Variants in SUPT3H observed in about 807,000 individuals in gnomAD.
The protein encoded by SUPT3H is transcription initiation protein SPT3 homolog.
SUPT3H carries 44 observed loss-of-function variants against 44.3 expected under a neutral mutation model. The observed-to-expected ratio is 0.99, with a 90% confidence interval of 0.78 to 1.28. The LOEUF (loss-of-function observed/expected upper bound fraction) is 1.28, where lower values mean the gene tolerates loss of function less well. Ranked by LOEUF, SUPT3H falls within the 50% of genes most tolerant of loss-of-function variation. The pLI is 0.00. For missense variants in SUPT3H, 380 were observed against 387.1 expected, an observed-to-expected ratio of 0.98 and a Z score of 0.15; for synonymous variants, 124 against 125.6, an observed-to-expected ratio of 0.99 and a Z score of 0.09.
At chr6:45,291,774 A>G (rs915686719) in intron 2 of SUPT3H, among the ~76,000 whole-genome samples, 2 of 152,224 alleles carry the variant, frequency 1.3e-5, no homozygotes, top group Non-Finnish European at 2.9e-5. Context: ...CAAAGGCTCC[A>G]AACAGTCTGG....
chr6:44,922,339 T>C (rs1768858155), intron 10 of SUPT3H, among the ~76,000 whole-genome samples: 1 of 152,256 alleles, frequency 6.6e-6, no homozygotes, highest in South Asian at 2.1e-4. Flanking sequence ...GTTTCATTTT[T>C]GAAAGGTGCA....
In SUPT3H at chr6:45,220,088, T is replaced by A. The variant is rs186696328; in HGVS notation, c.102-114082A>T. ...AAAAGAATTACACCCATTTTCACAA[T>A]CTATTAAAAAAAAGATGAGAAAATG... is the stretch of plus-strand genomic sequence containing the variant. On this transcript the variant is annotated intron_variant, in intron 2 of 10. Coordinates refer to ENST00000371459, the MANE Select transcript of SUPT3H (RefSeq NM_003599.4). Among the ~76,000 whole-genome samples, 78 of 99,858 alleles carry A rather than the reference T, an allele frequency of 7.8e-4. No individual in the cohort carries two copies. The East Asian group carries it at 0.02, about 25-fold the overall frequency. The allele number at this position is 99,858 out of a possible 152,430, so 65.5% of individuals were successfully genotyped here.
intron 2 of SUPT3H, among the ~76,000 whole-genome samples, chr6:45,162,032 TAAAAA>T (rs11380316): frequency 9.1e-4 from 137 of 150,654 alleles, no homozygotes; most frequent in African/African-American, 3.3e-3. Context: ...AGAACATGTT[TAAAAA>T]AAAACAAAAA....
chr6:45,302,607 G>A (rs1782334838), intron 2 of SUPT3H, among the ~76,000 whole-genome samples: 1 of 145,994 alleles, frequency 6.8e-6, no homozygotes, highest in Non-Finnish European at 1.5e-5. Flanking sequence ...ATTTGGGCTG[G>A]TTCCATATTT....
intron 10 of SUPT3H, among the ~76,000 whole-genome samples, chr6:44,912,020 G>A (rs1767125301): frequency 6.6e-6 from 1 of 152,116 alleles, no homozygotes; most frequent in African/African-American, 2.4e-5. Flanking sequence ...GTCTGTCTAC[G>A]AAGTCATGGC....
chr6:44,987,051 G>A (rs1426321718), intron 6 of SUPT3H, among the ~76,000 whole-genome samples: 6 of 152,022 alleles, frequency 3.9e-5, no homozygotes, highest in Admixed American at 3.3e-4. Context: ...CAACATCAGG[G>A]TGCCAGCACA....
intron 2 of SUPT3H, among the ~76,000 whole-genome samples, chr6:45,150,066 G>A (rs987043284): frequency 2.6e-5 from 4 of 151,930 alleles, no homozygotes; most frequent in Non-Finnish European, 4.4e-5. Context: ...CCTCAGAATG[G>A]TTACAAATAT....
chr6:45,201,922 T>C (rs891037810), intron 2 of SUPT3H, among the ~76,000 whole-genome samples: 2 of 151,954 alleles, frequency 1.3e-5, no homozygotes, highest in African/African-American at 4.8e-5. Context: ...GTTAAGCCCA[T>C]AAAATGTACA....
intron 2 of SUPT3H, among the ~76,000 whole-genome samples, chr6:45,236,579 T>A (rs558065950): frequency 6.6e-6 from 1 of 152,080 alleles, no homozygotes; most frequent in South Asian, 2.1e-4. Context: ...GGCCTAACCC[T>A]CCAGATCTTT....
intron 2 of SUPT3H, among the ~76,000 whole-genome samples, chr6:45,157,342 G>A (rs575094350): frequency 6.6e-6 from 1 of 151,824 alleles, no homozygotes; most frequent in South Asian, 2.1e-4. Context: ...CATTTATAAT[G>A]TATCATCAGA....
At chr6:44,882,880 G>T (rs890139688) in intron 10 of SUPT3H, among the ~76,000 whole-genome samples, 1 of 152,048 alleles carries the variant, frequency 6.6e-6, no homozygotes, top group African/African-American at 2.4e-5. Context: ...TTGATGGAAC[G>T]TATCTCAAAA....
chr6:45,355,138 C>CTT (rs1205511889), intron 2 of SUPT3H, among the ~76,000 whole-genome samples: 2,752 of 131,628 alleles, frequency 0.021, 39 homozygotes, highest in Non-Finnish European at 0.034. Context: ...AAAGACCTGG[C>CTT]TTTTTTTTTT....
intron 2 of SUPT3H, among the ~76,000 whole-genome samples, chr6:45,329,206 A>G (rs1055977625): frequency 6.6e-6 from 1 of 152,010 alleles, no homozygotes; most frequent in African/African-American, 2.4e-5. Context: ...ATTTTACAAA[A>G]TAACAGACCA....
At chr6:45,089,254 C>A (rs1362521361) in intron 3 of SUPT3H, among the ~76,000 whole-genome samples, 1 of 151,934 alleles carries the variant, frequency 6.6e-6, no homozygotes, top group African/African-American at 2.4e-5. Context: ...CCAAAAACAG[C>A]AGTTTTGTAT....
At chr6:44,993,099 G>A (rs923171414) in intron 6 of SUPT3H, among the ~76,000 whole-genome samples, 1 of 152,146 alleles carries the variant, frequency 6.6e-6, no homozygotes, top group Non-Finnish European at 1.5e-5. Context: ...GGAGGTTGAG[G>A]CTGCAGTGAG....
chr6:45,176,277 C>G (rs1811831244), intron 2 of SUPT3H, among the ~76,000 whole-genome samples: 1 of 151,590 alleles, frequency 6.6e-6, no homozygotes, highest in Non-Finnish European at 1.5e-5. Context: ...CGCGAGGGGT[C>G]AAGAACTTCC....
chr6:44,839,883 G>C (rs1770647330), intron 10 of SUPT3H, among the ~76,000 whole-genome samples: 1 of 152,150 alleles, frequency 6.6e-6, no homozygotes, highest in Non-Finnish European at 1.5e-5. Context: ...TGTATTTTTA[G>C]TAGAGATGGG....
chr6:45,219,041 A>T (rs1765559411), intron 2 of SUPT3H, among the ~76,000 whole-genome samples: 1 of 152,188 alleles, frequency 6.6e-6, no homozygotes, highest in Non-Finnish European at 1.5e-5. Context: ...GAAAGTCTAA[A>T]ACTCATAAAA....
intron 9 of SUPT3H, among the ~76,000 whole-genome samples, chr6:44,945,017 A>T (rs772473075): frequency 6.6e-6 from 1 of 151,990 alleles, no homozygotes; most frequent in Non-Finnish European, 1.5e-5. Context: ...ATTTTTCCAA[A>T]AGCATATACG....
Sources: allele counts gnomAD v4.1 joint callset (sites outside exome capture counted in the v4.1 genomes callset), GRCh38; gene constraint gnomAD v4.1.1; transcripts MANE v1.5; gene names NCBI Gene and HGNC (gene_info 2026-07-23, HGNC 2026-07-21).